Variants in SUV39H1 observed in about 807,000 individuals in gnomAD.
SUV39H1 encodes histone-lysine N-methyltransferase SUV39H1.
For synonymous variants in SUV39H1, 141 were observed against 150.5 expected (o/e 0.94, Z 0.46); for missense variants, 180 against 386.3 (o/e 0.47, Z 4.48).
Position 48,706,395 on chromosome X carries a change from ACTTTGT to A in SUV39H1, c.961_966del (p.Phe321_Val322del). On this transcript the variant is annotated inframe_deletion, in exon 4 of 6. Transcript: ENST00000376687. Reference sequence around the variant, plus strand: ...GCCGCCTACTATGGCAACATCTCCCACTTTGTCAACCACAGTGTGGGTACCCCCGGC... The same window carrying A: ...GCCGCCTACTATGGCAACATCTCCCACAACCACAGTGTGGGTACCCCCGGC... 1 of 1,209,881 alleles carries A rather than the reference ACTTTGT, an allele frequency of 8.3e-7. No homozygotes were observed. The highest frequency in any genetic ancestry group is 1.1e-6 in the Non-Finnish European group (1 of 894,563).
chrX:48,708,932 C>T lies in SUV39H1; in HGVS notation c.*1362C>T, dbSNP rs2062500983. ...CCCCAGACTAACCTCCAGGCATGGACTGAATCTGGTTCTCCTCTTGTACAC... is the reference window on the plus strand; with the variant it reads ...CCCCAGACTAACCTCCAGGCATGGATTGAATCTGGTTCTCCTCTTGTACAC... On this transcript the variant is annotated 3_prime_UTR_variant, in exon 6 of 6. Coordinates refer to ENST00000376687, the MANE Select transcript of SUV39H1 (RefSeq NM_003173.4). 1 of 110,547 alleles carries T rather than the reference C, an allele frequency of 9.0e-6. No individual in the cohort carries two copies. Among genetic ancestry groups the T allele is most frequent in the Non-Finnish European group, 1.9e-5 (1 of 52,761 alleles). The allele number at this position is 110,547 out of a possible 1,213,427, so 9.1% of individuals were successfully genotyped here.
chrX:48,707,113 C>T (rs1354088221), intron 5 of SUV39H1, among the ~76,000 whole-genome samples: 1 of 108,931 alleles, frequency 9.2e-6, no homozygotes, highest in Admixed American at 9.7e-5. Context: ...GCCCCTGCCC[C>T]CCCCCACACA....
chrX:48,707,922 T>C lies in SUV39H1; in HGVS notation c.*352T>C. 3.4e-6 allele frequency: 1 copy of C among 290,409 alleles called. No individual in the cohort carries two copies. The highest frequency in any genetic ancestry group is 9.8e-5 in the East Asian group (1 of 10,174). 23.9% of individuals were successfully genotyped at this position (290,409 alleles called of 1,213,427 possible). On this transcript the variant is annotated 3_prime_UTR_variant, in exon 6 of 6. Coordinates refer to ENST00000376687, the MANE Select transcript of SUV39H1 (RefSeq NM_003173.4). ...GAATATATTTGTTTTTGCACCTGCT[T>C]CTGCCTGGAGATTGAGGGGTCTGCT...
In SUV39H1 at chrX:48,706,420, C is replaced by A; in HGVS notation, c.975+9C>A. On this transcript the variant is annotated intron_variant, in intron 4 of 5. Transcript: ENST00000376687. ...ACTTTGTCAACCACAGTGTGGGTAC[C>A]CCCGGCAGGCGGGCAAGGGGTCGAG... 4.1e-6 allele frequency: 5 copies of A among 1,205,395 alleles called. No homozygotes were observed. The Middle Eastern group carries it at 6.9e-4, about 167-fold the overall frequency.
chrX:48,707,109 G>GC lies in SUV39H1; in HGVS notation c.1106-319dup, dbSNP rs782608849. The stretch of plus-strand genomic sequence containing the variant: ...CAGGTGGCCCTCTATTCCTGCCCCT[G>GC]CCCCCCCCCACACACCTAAAACGAC... On this transcript the variant is annotated intron_variant, in intron 5 of 5. Transcript: ENST00000376687. Among the ~76,000 whole-genome samples the GC allele has an allele frequency of 8.6e-3, 890 of 103,777 alleles. 10 individuals carry two copies. The highest frequency in any genetic ancestry group is 0.025 in the African/African-American group (709 of 28,226). The allele number at this position is 103,777 out of a possible 115,157, so 90.1% of individuals were successfully genotyped here.
At position 48,696,833 on chromosome X, in the gene SUV39H1, C is replaced by G; in HGVS notation, c.19+30C>G. 3 of 1,101,207 alleles carry G rather than the reference C, an allele frequency of 2.7e-6. No homozygotes were observed. In the South Asian group the frequency reaches 6.3e-5, roughly 23 times the overall value. The allele number at this position is 1,101,207 out of a possible 1,213,427, so 90.8% of individuals were successfully genotyped here. A position where few individuals can be genotyped will look rare whatever the true frequency, so the allele number is the denominator to read the frequency against. On this transcript the variant is annotated intron_variant, in intron 1 of 5. Transcript: ENST00000376687. ...AGCAGTGGAGGCAGAGGCGCGGGCC[C>G]GCTGGCCGGGCCGGGTGGGCTGGAG...
At position 48,696,889 on chromosome X, in the gene SUV39H1, TCCGAGGCCCCGGCGC is replaced by T. The variant is rs2062457810; in HGVS notation, c.19+88_19+102del. The stretch of plus-strand genomic sequence containing the variant: ...GCGTTGCCGGCTCGGGGCCCCGGCG[TCCGAGGCCCCGGCGC>T]CGGGAGCCGGAAGCTCGGCGCGGAA... On this transcript the variant is annotated intron_variant, in intron 1 of 5. Coordinates refer to ENST00000376687, the MANE Select transcript of SUV39H1 (RefSeq NM_003173.4). 1.1e-5 allele frequency: 8 copies of T among 722,552 alleles called. No individual in the cohort carries two copies. The East Asian group carries it at 4.0e-4, about 37-fold the overall frequency. The allele number at this position is 722,552 out of a possible 1,213,427, so 59.5% of individuals were successfully genotyped here.
chrX:48,699,239 C>A, intron 2 of SUV39H1, 192 bp downstream of exon 2: 1 of 397,632 alleles, frequency 2.5e-6, no homozygotes, highest in Non-Finnish European at 4.1e-6. Context: ...TGGGCAGGAG[C>A]CGGAATGAAT....
chrX:48,695,889 T>C (rs1557008469), upstream of SUV39H1: 1 of 1,155,788 alleles, frequency 8.7e-7, no homozygotes, highest in East Asian at 3.2e-5. Context: ...GGAGGCTTAA[T>C]CCTACCTCTA....
intron 2 of SUV39H1, 161 bp downstream of exon 2, chrX:48,699,208 T>C (rs960858640): frequency 3.2e-5 from 16 of 506,480 alleles, no homozygotes; most frequent in Admixed American, 4.9e-5. Context: ...ATGTTACAGA[T>C]AGGGAAACTA....
chrX:48,696,167 CT>C (rs2147270930), upstream of SUV39H1, among the ~76,000 whole-genome samples: 1 of 112,690 alleles, frequency 8.9e-6, no homozygotes, highest in South Asian at 3.6e-4. Flanking sequence ...GATTGATCTG[CT>C]GACAACGTGA....
rs2062490732 is a variant in SUV39H1, at chrX:48,706,300, G to C, written c.864G>C (p.Gln288His). 7 of 1,210,416 alleles carry C rather than the reference G, an allele frequency of 5.8e-6. No individual in the cohort carries two copies. The highest frequency in any genetic ancestry group is 1.7e-5 in the African/African-American group (1 of 57,490). ...ITSEEAERRG[Q>H]IYDRQGATYL... Reference sequence around the variant, plus strand: ...CAGAGGAGGCAGAGCGGCGGGGCCAGATCTACGACCGTCAGGGCGCCACCT... The same window carrying C: ...CAGAGGAGGCAGAGCGGCGGGGCCACATCTACGACCGTCAGGGCGCCACCT... The change falls in exon 4 of 6, where the codon CAG becomes CAC. Residue 288 changes from glutamine to histidine, a missense_variant. Coordinates refer to ENST00000376687, the MANE Select transcript of SUV39H1 (RefSeq NM_003173.4).
At chrX:48,696,191 C>T (rs180700376), upstream of SUV39H1, among the ~76,000 whole-genome samples, 2 of 112,391 alleles carry the variant, frequency 1.8e-5, no homozygotes, top group African/African-American at 3.2e-5. Flanking sequence ...ACAGGATGGT[C>T]TTAGGGAATG....
chrX:48,695,991 A>G, upstream of SUV39H1: 1 of 985,888 alleles, frequency 1.0e-6, no homozygotes, highest in Admixed American at 2.6e-5. Context: ...GACAGTGACC[A>G]ACTGATAGTG....
At chrX:48,703,717 G>C (rs1469443494) in intron 3 of SUV39H1, among the ~76,000 whole-genome samples, 1 of 111,173 alleles carries the variant, frequency 9.0e-6, no homozygotes, top group Non-Finnish European at 1.9e-5. Context: ...ATTTATAACT[G>C]GTCCTCATAA....
upstream of SUV39H1, chrX:48,696,681 A>G: frequency 2.8e-6 from 3 of 1,054,308 alleles, no homozygotes; most frequent in South Asian, 2.1e-5. Context: ...GGGTGCTGCG[A>G]GTCGGGAGCC....
At chrX:48,697,200 A>AC (rs1294802015) in intron 1 of SUV39H1, among the ~76,000 whole-genome samples, 59 of 109,276 alleles carry the variant, frequency 5.4e-4, no homozygotes, top group Non-Finnish European at 7.3e-4. Context: ...AGGGGGACAG[A>AC]CCCCCCCTTC....
At position 48,700,909 on chromosome X, in the gene SUV39H1, G is replaced by A. The variant is rs146267896; in HGVS notation, c.828+156G>A. Reference sequence around the variant, plus strand: ...GAGTGTCACAGGGACATTGGGCAGGGGCTAGTATTCCAAGCTGGTACACAC... The same window carrying A: ...GAGTGTCACAGGGACATTGGGCAGGAGCTAGTATTCCAAGCTGGTACACAC... On this transcript the variant is annotated intron_variant, in intron 3 of 5. Transcript: ENST00000376687. The A allele has an allele frequency of 1.1e-4, 77 of 675,551 alleles. No individual in the cohort carries two copies. The East Asian group carries it at 2.5e-3, about 22-fold the overall frequency. 55.7% of individuals were successfully genotyped at this position (675,551 alleles called of 1,213,427 possible). A position where few individuals can be genotyped will look rare whatever the true frequency, so the allele number is the denominator to read the frequency against.
At chrX:48,701,565 T>C (rs1301845192) in intron 3 of SUV39H1, among the ~76,000 whole-genome samples, 2 of 111,740 alleles carry the variant, frequency 1.8e-5, no homozygotes, top group Non-Finnish European at 3.8e-5. Flanking sequence ...CTTCTGCCCA[T>C]GCTCCACTGG....
Sources: allele counts gnomAD v4.1 joint callset (sites outside exome capture counted in the v4.1 genomes callset), GRCh38; gene constraint gnomAD v4.1.1; transcripts MANE v1.5; gene names NCBI Gene and HGNC (gene_info 2026-07-23, HGNC 2026-07-21).